Variants in R3HDM2 observed in about 807,000 individuals in gnomAD.
R3HDM2 encodes R3H domain containing 2.
A neutral mutation model predicts 124.5 loss-of-function variants in R3HDM2; 38 were observed. The observed-to-expected ratio is 0.31, with a 90% CI of 0.24 to 0.40. The LOEUF (loss-of-function observed/expected upper bound fraction) is 0.40. R3HDM2 is among the 10% of genes least tolerant of loss of function. The pLI is 1.00. For missense variants in R3HDM2, 869 were observed against 1,236.9 expected (o/e 0.70, Z 4.46); for synonymous variants, 391 against 448.0 (o/e 0.87, Z 1.61).
chr12:57,374,065 T>C (rs1264157536), intron 2 of R3HDM2, among the ~76,000 whole-genome samples: 1 of 151,666 alleles, frequency 6.6e-6, no homozygotes, highest in Admixed American at 6.6e-5. Context: ...GAGACAGAGG[T>C]TGCAGTGAGA....
intron 2 of R3HDM2, among the ~76,000 whole-genome samples, chr12:57,369,366 A>C (rs1293835392): frequency 6.6e-6 from 1 of 152,196 alleles, no homozygotes; most frequent in Non-Finnish European, 1.5e-5. Context: ...TTGTAAACTG[A>C]TGCGAACTCA....
intron 2 of R3HDM2, among the ~76,000 whole-genome samples, chr12:57,353,205 G>A (rs1046277251): frequency 1.3e-5 from 2 of 152,044 alleles, no homozygotes; most frequent in Admixed American, 6.6e-5. Flanking sequence ...GCTACAGACT[G>A]CAAGTTTTTT....
intron 17 of R3HDM2, 68 bp downstream of exon 17, chr12:57,268,854 C>T (rs1303279987): frequency 2.6e-6 from 4 of 1,551,820 alleles, no homozygotes; most frequent in African/African-American, 1.4e-5. Context: ...TATGGATGAC[C>T]CTGGGAGGCT....
At chr12:57,418,464 T>C in intron 1 of R3HDM2, 5 of 333,018 alleles carry the variant, frequency 1.5e-5, no homozygotes, top group Non-Finnish European at 2.1e-5. Flanking sequence ...TTGATGGACA[T>C]GTAGTGACAG....
At chr12:57,430,600 G>A in intron 1 of R3HDM2, 120 bp downstream of exon 1, 2 of 984,734 alleles carry the variant, frequency 2.0e-6, no homozygotes, top group South Asian at 9.4e-5. Context: ...CCCGGGACCG[G>A]CTGCCGGGCG....
At position 57,382,122 on chromosome 12, in the gene R3HDM2, T is replaced by A. The variant is rs562695222; in HGVS notation, c.-36+13627A>T. Among the ~76,000 whole-genome samples, 11 of 150,746 alleles carry A rather than the reference T, an allele frequency of 7.3e-5. No homozygotes were observed. The East Asian group carries it at 2.0e-3, about 27-fold the overall frequency. ...AGGTATGAGCCACTGCACCCAGACTTTTTTTTTCTTTTTGGAGGCAGGGTC... is the reference window on the plus strand; with the variant it reads ...AGGTATGAGCCACTGCACCCAGACTATTTTTTTCTTTTTGGAGGCAGGGTC... On this transcript the variant is annotated intron_variant, in intron 2 of 23. Transcript: ENST00000402412.
Position 57,284,075 on chromosome 12 carries a change from T to TCAGAG in R3HDM2, c.939-24_939-20dup. On this transcript the variant is annotated intron_variant, in intron 12 of 23. Transcript: ENST00000402412. The stretch of plus-strand genomic sequence containing the variant: ...GTTCCCCCTGCAGAGACCATAGTGG[T>TCAGAG]CAGAGCACCTCCCACCCACCACTTT... The TCAGAG allele has an allele frequency of 6.4e-7, 1 of 1,569,042 alleles. No homozygotes were observed. The highest frequency in any genetic ancestry group is 8.7e-7 in the Non-Finnish European group (1 of 1,155,826).
chr12:57,421,970 C>T (rs1240789155), intron 1 of R3HDM2, among the ~76,000 whole-genome samples: 2 of 151,900 alleles, frequency 1.3e-5, no homozygotes, highest in Non-Finnish European at 2.9e-5. Flanking sequence ...GTGGCGTGCA[C>T]CTGTAATCCC....
At chr12:57,284,129 C>T in intron 12 of R3HDM2, 73 bp from the exon 13 acceptor site, 1 of 1,302,258 alleles carries the variant, frequency 7.7e-7, no homozygotes. Flanking sequence ...TAATTCATTT[C>T]TATTCTCTCA....
intron 2 of R3HDM2, among the ~76,000 whole-genome samples, chr12:57,333,359 A>G (rs2058440417): frequency 6.6e-6 from 1 of 152,152 alleles, no homozygotes; most frequent in Non-Finnish European, 1.5e-5. Context: ...AAAAGCTAAT[A>G]ATTTCCGATG....
intron 19 of R3HDM2, among the ~76,000 whole-genome samples, chr12:57,260,947 A>G (rs1328399718): frequency 6.6e-6 from 1 of 152,170 alleles, no homozygotes; most frequent in Non-Finnish European, 1.5e-5. Flanking sequence ...TCCCCAGACC[A>G]TTTGTACCCC....
At chr12:57,352,114 TAAC>T (rs1214736385) in intron 2 of R3HDM2, among the ~76,000 whole-genome samples, 1 of 151,446 alleles carries the variant, frequency 6.6e-6, no homozygotes, top group Non-Finnish European at 1.5e-5. Context: ...ATACAATAAT[TAAC>T]AAAACTACTT....
At chr12:57,348,717 AAAAAGAG>A (rs1251479337) in intron 2 of R3HDM2, among the ~76,000 whole-genome samples, 842 of 22,676 alleles carry the variant, frequency 0.037, 73 homozygotes, top group East Asian at 0.25. Context: ...AAAAAAAAAA[AAAAAGAG>A]AGAGAAAAAT....
chr12:57,333,287 T>C (rs1057105449), intron 2 of R3HDM2, among the ~76,000 whole-genome samples: 1 of 151,876 alleles, frequency 6.6e-6, no homozygotes, highest in African/African-American at 2.4e-5. Context: ...GACAACTATA[T>C]AATGTTGACA....
chr12:57,379,834 T>C (rs2064599464), intron 2 of R3HDM2, among the ~76,000 whole-genome samples: 1 of 152,002 alleles, frequency 6.6e-6, no homozygotes, highest in Non-Finnish European at 1.5e-5. Context: ...AAATAAATTA[T>C]ATATATATGG....
chr12:57,384,091 G>C (rs1416953961), intron 2 of R3HDM2, among the ~76,000 whole-genome samples: 3 of 152,152 alleles, frequency 2.0e-5, no homozygotes, highest in Non-Finnish European at 4.4e-5. Context: ...GCCGGGCGCA[G>C]TGGCTCAAGC....
intron 18 of R3HDM2, among the ~76,000 whole-genome samples, chr12:57,267,456 G>A (rs2042723653): frequency 6.6e-6 from 1 of 152,212 alleles, no homozygotes; most frequent in South Asian, 2.1e-4. Context: ...TCAGGAGGCT[G>A]AGACAGGAGA....
intron 2 of R3HDM2, among the ~76,000 whole-genome samples, chr12:57,328,848 A>G (rs2057707883): frequency 1.3e-5 from 2 of 152,206 alleles, no homozygotes; most frequent in African/African-American, 4.8e-5. Flanking sequence ...AATGGATGAC[A>G]GTATAGTGTA....
At chr12:57,400,288 A>G (rs529721598) in intron 1 of R3HDM2, among the ~76,000 whole-genome samples, 2 of 152,330 alleles carry the variant, frequency 1.3e-5, no homozygotes, top group South Asian at 2.1e-4. Context: ...TTGTAAGGAC[A>G]TCGATGAAGC....
Sources: allele counts gnomAD v4.1 joint callset (sites outside exome capture counted in the v4.1 genomes callset), GRCh38; gene constraint gnomAD v4.1.1; transcripts MANE v1.5; gene names NCBI Gene and HGNC (gene_info 2026-07-23, HGNC 2026-07-21).